SHANK2: variants seen among roughly 807,000 people sequenced by gnomAD.
SHANK2 encodes the protein SH3 and multiple ankyrin repeat domains protein 2.
A neutral mutation model predicts 133.7 loss-of-function variants in SHANK2; 43 were observed. The observed-to-expected ratio is 0.32, with a 90% CI of 0.25 to 0.41. The LOEUF is 0.41. Ranked by LOEUF, SHANK2 falls within the 10% of genes least tolerant of loss-of-function variation. The pLI is 1.00. For missense variants in SHANK2, 1,994 were observed against 2,235.8 expected, an observed-to-expected ratio of 0.89 and a Z score of 2.18; for synonymous variants, 1,017 against 952.8, an observed-to-expected ratio of 1.07 and a Z score of -1.24.
intron 17 of SHANK2, among the ~76,000 whole-genome samples, chr11:70,537,762 C>T (rs192454067): frequency 6.6e-5 from 10 of 152,258 alleles, no homozygotes; most frequent in African/African-American, 2.4e-4. Context: ...TGCAGAGGCA[C>T]GAGTCAGCTC....
chr11:71,128,157 G>C (rs557143455), intron 3 of SHANK2, among the ~76,000 whole-genome samples: 8 of 152,154 alleles, frequency 5.3e-5, no homozygotes, highest in Non-Finnish European at 1.0e-4. Context: ...CATGAGTCTC[G>C]GCCTCTTCAC....
intron 2 of SHANK2, among the ~76,000 whole-genome samples, chr11:71,190,896 G>T (rs1591004372): frequency 6.6e-6 from 1 of 152,026 alleles, no homozygotes; most frequent in African/African-American, 2.4e-5. Context: ...TAAATGTGAG[G>T]TATCTCTGGT....
intron 9 of SHANK2, among the ~76,000 whole-genome samples, chr11:71,070,511 G>A (rs1054918904): frequency 7.2e-5 from 11 of 152,244 alleles, no homozygotes; most frequent in Middle Eastern, 6.8e-3. Context: ...CCTGGAATGG[G>A]AGAGCTCTCC....
At chr11:70,845,559 A>T (rs1555063027) in intron 11 of SHANK2, among the ~76,000 whole-genome samples, 1 of 152,136 alleles carries the variant, frequency 6.6e-6, no homozygotes, top group Non-Finnish European at 1.5e-5. Context: ...GTGTTGGAAG[A>T]AATGGGTGGG....
At chr11:70,689,020 T>C (rs910591999) in intron 15 of SHANK2, among the ~76,000 whole-genome samples, 1 of 152,176 alleles carries the variant, frequency 6.6e-6, no homozygotes, top group Non-Finnish European at 1.5e-5. Flanking sequence ...GCCTCTCTTT[T>C]TGGTGTTTGA....
At chr11:71,144,961 C>A (rs558148970) in intron 3 of SHANK2, among the ~76,000 whole-genome samples, 71 of 152,332 alleles carry the variant, frequency 4.7e-4, no homozygotes, top group African/African-American at 1.6e-3. Flanking sequence ...CAGGGCTCTG[C>A]CAAGTATTGA....
At chr11:70,620,852 C>T (rs868954680) in intron 17 of SHANK2, among the ~76,000 whole-genome samples, 1 of 152,152 alleles carries the variant, frequency 6.6e-6, no homozygotes, top group South Asian at 2.1e-4. Flanking sequence ...AGGAAGCGAC[C>T]CCTCACCAGG....
intron 4 of SHANK2, among the ~76,000 whole-genome samples, chr11:71,117,271 C>T (rs1346734334): frequency 6.6e-6 from 1 of 152,168 alleles, no homozygotes; most frequent in South Asian, 2.1e-4. Context: ...CCACCTTCCT[C>T]GGCCTCCCAA....
At chr11:70,669,927 A>G (rs1944763619) in intron 15 of SHANK2, among the ~76,000 whole-genome samples, 1 of 152,222 alleles carries the variant, frequency 6.6e-6, no homozygotes, top group African/African-American at 2.4e-5. Context: ...CAAAGGCGGA[A>G]TGATTAAATC....
At chr11:70,558,284 G>A (rs1283599521) in intron 17 of SHANK2, among the ~76,000 whole-genome samples, 1 of 152,238 alleles carries the variant, frequency 6.6e-6, no homozygotes, top group Non-Finnish European at 1.5e-5. Flanking sequence ...GTCATGTGGG[G>A]GACACCTGTA....
Position 70,486,697 on chromosome 11 carries a change from C to T in SHANK2, c.3596G>A (p.Gly1199Glu), listed in dbSNP as rs2058811369. 5 of 1,610,776 alleles carry T rather than the reference C, an allele frequency of 3.1e-6. No homozygotes were observed. The highest frequency in any genetic ancestry group is 4.2e-6 in the Non-Finnish European group (5 of 1,179,970). ...CCCTGTGAGTGGGTGGACATAATTC[C>T]CGGGGCCGGCTGTGCCGCTGCTCGC... ...PSASSGTAGP[G>E]NYVHPLTGRL... Residue 1199 changes from glycine (G) to glutamate (E), a missense_variant, in exon 25 of 26, where the codon GGG (glycine) becomes GAG (glutamate). Gly to Glu is a moderately conservative substitution (Grantham distance 98). Around this residue, in one of 5 missense-constraint regions of SHANK2, gnomAD observed 797 missense variants for 907.4 expected, o/e 0.88. Coordinates refer to ENST00000601538, the MANE Select transcript of SHANK2 (RefSeq NM_012309.5). This position sits in a 1 kb window ranked among gnomAD's most constrained non-coding sequence, Gnocchi z 8.0.
chr11:71,110,319 T>A (rs1951873805), intron 5 of SHANK2, among the ~76,000 whole-genome samples: 1 of 152,092 alleles, frequency 6.6e-6, no homozygotes, highest in African/African-American at 2.4e-5. Context: ...GCACCTGTAG[T>A]CCCAGCTACT....
chr11:70,737,077 G>A (rs578237509), intron 14 of SHANK2, among the ~76,000 whole-genome samples: 11 of 152,224 alleles, frequency 7.2e-5, no homozygotes, highest in African/African-American at 2.4e-4. Context: ...AATCCTTTCT[G>A]AGCCAAAGTC....
chr11:70,558,312 G>T (rs545862055), intron 17 of SHANK2, among the ~76,000 whole-genome samples: 64 of 152,368 alleles, frequency 4.2e-4, no homozygotes, highest in African/African-American at 1.5e-3. Flanking sequence ...TCTGGACAAT[G>T]CCACGGGAGC....
chr11:70,879,320 T>G (rs1263381543), intron 11 of SHANK2, among the ~76,000 whole-genome samples: 1 of 152,246 alleles, frequency 6.6e-6, no homozygotes, highest in Non-Finnish European at 1.5e-5. Flanking sequence ...CTTTCCTCTG[T>G]GCAATTTAAT....
chr11:70,660,310 C>A (rs2061465019), intron 16 of SHANK2, among the ~76,000 whole-genome samples: 1 of 152,216 alleles, frequency 6.6e-6, no homozygotes. Flanking sequence ...CCCTGCCACA[C>A]AGAGCTACAG....
chr11:70,576,667 C>T lies in SHANK2; in HGVS notation c.2062-73736G>A, dbSNP rs531567049. On this transcript the variant is annotated intron_variant, in intron 17 of 25. Coordinates refer to ENST00000601538, the MANE Select transcript of SHANK2 (RefSeq NM_012309.5). ...ACAAACAAACAAACAAAAAACCCCACACTCCCAGGCCTAACTCTGCCCTTA... is the reference window on the plus strand; with the variant it reads ...ACAAACAAACAAACAAAAAACCCCATACTCCCAGGCCTAACTCTGCCCTTA... 4.6e-5 allele frequency among the ~76,000 whole-genome samples: 7 copies of T among 152,222 alleles called. No homozygotes were observed. The South Asian group carries it at 6.2e-4, about 14-fold the overall frequency.
intron 11 of SHANK2, among the ~76,000 whole-genome samples, chr11:70,821,678 C>T (rs1247721325): frequency 3.3e-5 from 5 of 152,186 alleles, no homozygotes; most frequent in African/African-American, 1.2e-4. Context: ...CTGCCTCAGC[C>T]ACCCAAAGTA....
At chr11:70,940,067 G>A in intron 10 of SHANK2, among the ~76,000 whole-genome samples, 1 of 152,024 alleles carries the variant, frequency 6.6e-6, no homozygotes, top group Admixed American at 6.6e-5. Flanking sequence ...GATGAAGAAT[G>A]GTTTTTCCCC....
Sources: allele counts gnomAD v4.1 joint callset (sites outside exome capture counted in the v4.1 genomes callset), GRCh38; gene constraint gnomAD v4.1.1; regional missense constraint gnomAD v4.1.1; non-coding constraint Gnocchi (gnomAD v3.1); transcripts MANE v1.5; gene names NCBI Gene and HGNC (gene_info 2026-07-23, HGNC 2026-07-21).